Variants in FIG4 observed in about 807,000 individuals in gnomAD.
The protein encoded by FIG4 is FIG4 phosphoinositide 5-phosphatase, also known as polyphosphoinositide phosphatase.
FIG4 carries 112 observed loss-of-function variants against 118.6 expected under a neutral mutation model. The ratio of observed to expected loss-of-function variants is 0.94; its 90% CI spans 0.81 to 1.11. The LOEUF (loss-of-function observed/expected upper bound fraction) is 1.11. FIG4 is among the 50% of genes least tolerant of loss of function. The pLI, the probability that FIG4 is intolerant of heterozygous loss-of-function variation, is 0.00. For synonymous variants in FIG4, 369 were observed against 381.2 expected (o/e 0.97, Z 0.37); for missense variants, 969 against 1,111.7 (o/e 0.87, Z 1.83).
At chr6:109,721,073 A>G (rs546940208) in intron 3 of FIG4, among the ~76,000 whole-genome samples, 32 of 152,282 alleles carry the variant, frequency 2.1e-4, no homozygotes, top group Admixed American at 1.8e-3. Context: ...CTGTCAGACG[A>G]CACTCTTCTA....
At chr6:109,822,158 T>C (rs534017871) in intron 22 of FIG4, among the ~76,000 whole-genome samples, 1 of 152,314 alleles carries the variant, frequency 6.6e-6, no homozygotes, top group South Asian at 2.1e-4. Flanking sequence ...AGTGTCTTTT[T>C]TTAAAAGTGC....
intron 10 of FIG4, among the ~76,000 whole-genome samples, chr6:109,748,867 A>G (rs1202673037): frequency 2.0e-5 from 3 of 152,138 alleles, no homozygotes; most frequent in Non-Finnish European, 4.4e-5. Context: ...GACCACCCCC[A>G]TGATTCAATT....
intron 22 of FIG4, among the ~76,000 whole-genome samples, chr6:109,819,405 A>C (rs1405151364): frequency 6.6e-6 from 1 of 152,160 alleles, no homozygotes; most frequent in Non-Finnish European, 1.5e-5. Flanking sequence ...CCAGAAAGTA[A>C]CTTTTGGTTA....
At chr6:109,765,794 T>C (rs973705680) in intron 14 of FIG4, among the ~76,000 whole-genome samples, 3 of 152,198 alleles carry the variant, frequency 2.0e-5, no homozygotes, top group Non-Finnish European at 4.4e-5. Flanking sequence ...TGACAGTCCA[T>C]GAAGTATTAT....
intron 10 of FIG4, among the ~76,000 whole-genome samples, chr6:109,750,936 C>T (rs961555872): frequency 1.1e-4 from 16 of 152,082 alleles, no homozygotes; most frequent in Admixed American, 4.6e-4. Flanking sequence ...TAATTTTCTC[C>T]GATATATAAA....
chr6:109,753,942 G>T (rs898913582), intron 10 of FIG4, among the ~76,000 whole-genome samples: 1 of 152,128 alleles, frequency 6.6e-6, no homozygotes, highest in African/African-American at 2.4e-5. Context: ...TCCTTCTCCT[G>T]CCTGATTGCC....
At position 109,791,357 on chromosome 6, in the gene FIG4, C is replaced by A; in HGVS notation, c.2181-19C>A. On this transcript the variant is annotated intron_variant, in intron 19 of 22. Transcript: ENST00000230124. ...GGTTAGTTTAAAGATGCTTCACTTC[C>A]ATATTATTCTTTTAAAAGAAACAAA... is the stretch of plus-strand genomic sequence containing the variant. The A allele has an allele frequency of 6.2e-7, 1 of 1,604,734 alleles. No individual in the cohort carries two copies. Among genetic ancestry groups the A allele is most frequent in the South Asian group, 1.1e-5 (1 of 90,932 alleles).
At chr6:109,727,011 G>A in intron 3 of FIG4, 98 bp from the exon 4 acceptor site, 5 of 922,018 alleles carry the variant, frequency 5.4e-6, no homozygotes, top group Non-Finnish European at 8.9e-6. Flanking sequence ...AAATAATAAA[G>A]TGAGAAATGT....
chr6:109,724,040 T>G (rs910728415), intron 3 of FIG4, among the ~76,000 whole-genome samples: 10 of 152,186 alleles, frequency 6.6e-5, no homozygotes, highest in Non-Finnish European at 1.2e-4. Flanking sequence ...TTTGTTCTTT[T>G]GGGCAATATT....
chr6:109,814,117 C>T (rs1778794122), intron 22 of FIG4, among the ~76,000 whole-genome samples: 2 of 152,108 alleles, frequency 1.3e-5, no homozygotes, highest in East Asian at 3.9e-4. Context: ...CTACCATGGG[C>T]ACACAAATTC....
chr6:109,737,312 A>G (rs1776187741), intron 6 of FIG4, among the ~76,000 whole-genome samples: 1 of 152,180 alleles, frequency 6.6e-6, no homozygotes, highest in South Asian at 2.1e-4. Flanking sequence ...TGCATATACT[A>G]TTTAATCTGA....
chr6:109,698,438 T>C (rs1283122171), intron 1 of FIG4, among the ~76,000 whole-genome samples: 2 of 152,202 alleles, frequency 1.3e-5, no homozygotes, highest in African/African-American at 4.8e-5. Flanking sequence ...ATAATTGAAA[T>C]TGTATAATCT....
At chr6:109,788,545 C>T (rs1341238413) in intron 18 of FIG4, among the ~76,000 whole-genome samples, 1 of 152,158 alleles carries the variant, frequency 6.6e-6, no homozygotes, top group Non-Finnish European at 1.5e-5. Flanking sequence ...AAGTTTTCAC[C>T]ACTCTGTACA....
chr6:109,716,538 T>C lies in FIG4; in HGVS notation c.259T>C (p.Phe87Leu). 1.2e-6 allele frequency: 2 copies of C among 1,613,982 alleles called. No homozygotes were observed. Among genetic ancestry groups the C allele is most frequent in the Non-Finnish European group, 1.7e-6 (2 of 1,179,868 alleles). ...KMGQKGSSGL[F>L]RAVSAFGVVG... The stretch of plus-strand genomic sequence containing the variant: ...GGGACAGAAAGGATCCTCGGGCTTA[T>C]TTCGAGCGGTTTCAGCTTTTGGTGT... The change falls in exon 3 of 23, where the codon TTT (phenylalanine) becomes CTT (leucine). Residue 87 changes from phenylalanine (F) to leucine (L), a missense_variant. By Grantham distance (22) the Phe-to-Leu change is conservative (BLOSUM62 0). Around this residue, in one of 3 missense-constraint regions of FIG4, gnomAD observed 393 missense variants for 409.4 expected, o/e 0.96. Transcript: ENST00000230124.
chr6:109,773,670 A>G (rs756938282), intron 15 of FIG4, among the ~76,000 whole-genome samples: 6 of 151,808 alleles, frequency 4.0e-5, no homozygotes, highest in Admixed American at 2.0e-4. Flanking sequence ...GGGGTTTGCT[A>G]TTCTTGTTGT....
intron 10 of FIG4, among the ~76,000 whole-genome samples, chr6:109,749,043 C>T (rs1164117505): frequency 1.4e-5 from 2 of 143,452 alleles, no homozygotes; most frequent in Non-Finnish European, 3.0e-5. Context: ...CATGCATGGG[C>T]TCAAAGGAGC....
At chr6:109,753,295 G>C in intron 10 of FIG4, among the ~76,000 whole-genome samples, 1 of 152,008 alleles carries the variant, frequency 6.6e-6, no homozygotes, top group East Asian at 1.9e-4. Flanking sequence ...CTGTTCCATT[G>C]ATCTATATCT....
At chr6:109,741,386 C>A in intron 7 of FIG4, 58 bp from the exon 8 acceptor site, 1 of 1,047,480 alleles carries the variant, frequency 9.5e-7, no homozygotes, top group Non-Finnish European at 1.5e-6. Flanking sequence ...GGAATAATGA[C>A]TCTCTTGGTC....
intron 22 of FIG4, among the ~76,000 whole-genome samples, chr6:109,805,202 G>A (rs1778531438): frequency 2.6e-5 from 4 of 152,140 alleles, no homozygotes; most frequent in Admixed American, 2.6e-4. Flanking sequence ...CAGGATACAA[G>A]GGACCATGGT....
Sources: gnomAD v4.1 joint callset for allele counts (sites outside exome capture counted in the v4.1 genomes callset) on GRCh38, gnomAD v4.1.1 for gene constraint, gnomAD v4.1.1 regional missense constraint, MANE v1.5 for transcripts, NCBI Gene and HGNC (gene_info 2026-07-23, HGNC 2026-07-21) for gene names.